VPS13B: variants seen among roughly 807,000 people sequenced by gnomAD.
VPS13B encodes the protein intermembrane lipid transfer protein VPS13B.
In VPS13B, 285 loss-of-function variants were observed where a neutral mutation model predicts 426.4. The ratio of observed to expected loss-of-function variants is 0.67; its 90% CI spans 0.61 to 0.74. The LOEUF is 0.74. Among genes scored for constraint, VPS13B ranks in the 30% least tolerant of loss-of-function variants. The pLI, the probability that VPS13B is intolerant of heterozygous loss-of-function variation, is 0.00. For synonymous variants in VPS13B, 1,676 were observed against 1,676.4 expected (o/e 1.00, Z 0.01); for missense variants, 4,537 against 4,782.6 (o/e 0.95, Z 1.51).
Position 99,326,452 on chromosome 8 carries a change from C to CTTTTTTTTTTTTTTTTTTTTT in VPS13B, c.2824+51208_2824+51228dup, listed in dbSNP as rs747097247. Among the ~76,000 whole-genome samples the CTTTTTTTTTTTTTTTTTTTTT allele has an allele frequency of 2.1e-3, 69 of 32,524 alleles. 24 individuals are homozygous for CTTTTTTTTTTTTTTTTTTTTT. The highest frequency in any genetic ancestry group is 3.2e-3 in the East Asian group (3 of 948). 21.3% of individuals were successfully genotyped at this position (32,524 alleles called of 152,430 possible). A position where few individuals can be genotyped will look rare whatever the true frequency, so the allele number is the denominator to read the frequency against. The stretch of plus-strand genomic sequence containing the variant: ...ATTTCTATCTATCATCTCTAGGTAG[C>CTTTTTTTTTTTTTTTTTTTTT]TTTTTTTTTTTTTTTTTTTTTTTTT... On this transcript the variant is annotated intron_variant, in intron 19 of 61. Coordinates refer to ENST00000357162, the MANE Select transcript of VPS13B (RefSeq NM_152564.5).
Position 99,642,208 on chromosome 8 carries a change from A to T in VPS13B, c.5618A>T (p.Glu1873Val), listed in dbSNP as rs1472875986. The change falls in exon 34 of 62, where the codon GAA becomes GTA. Residue 1873 changes from glutamate (E) to valine (V), a missense_variant. Physicochemically the swap from Glu to Val is moderately radical, Grantham distance 121. Around this residue, in one of 2 missense-constraint regions of VPS13B, gnomAD observed 4,311 missense variants for 4,474.3 expected, o/e 0.96. Transcript: ENST00000357162. ...GCATGTATTTCCACGGTGACAGCAG[A>T]AGATCTCTTAAGGAGCAGCATTTCT... ...NQACISTVTAEDLLRSSISFP... is the reference protein window; with the variant it reads ...NQACISTVTAVDLLRSSISFP... The T allele has an allele frequency of 1.2e-6, 2 of 1,614,146 alleles. No homozygotes were observed. Among genetic ancestry groups the T allele is most frequent in the South Asian group, 2.2e-5 (2 of 91,078 alleles).
chr8:99,778,508 T>C (rs904494399), intron 41 of VPS13B, among the ~76,000 whole-genome samples, 174 bp from the exon 42 acceptor site: 2 of 152,218 alleles, frequency 1.3e-5, no homozygotes, highest in African/African-American at 4.8e-5. Flanking sequence ...TTTTCAAATA[T>C]CAAATGGGAA....
intron 25 of VPS13B, among the ~76,000 whole-genome samples, chr8:99,486,354 T>G (rs1454667840): frequency 2.0e-5 from 3 of 151,872 alleles, no homozygotes; most frequent in African/African-American, 7.3e-5. Context: ...GCCTCCTGAG[T>G]AGCTGGGATT....
At chr8:99,336,024 C>A (rs1810841764) in intron 19 of VPS13B, among the ~76,000 whole-genome samples, 1 of 152,130 alleles carries the variant, frequency 6.6e-6, no homozygotes, top group African/African-American at 2.4e-5. Flanking sequence ...CTTTAAAGTT[C>A]ATATGGCACC....
chr8:99,478,037 TCAGGAGTTTGAGACCACTTGAGCAA>T (rs966758614), intron 24 of VPS13B, among the ~76,000 whole-genome samples: 1 of 151,374 alleles, frequency 6.6e-6, no homozygotes, highest in African/African-American at 2.4e-5. Context: ...TCACTTGAGC[TCAGGAGTTTGAGACCACTTGAGCAA>T]CATAACAACA....
chr8:99,248,066 T>G (rs1469676283), intron 17 of VPS13B, among the ~76,000 whole-genome samples: 1 of 152,208 alleles, frequency 6.6e-6, no homozygotes, highest in African/African-American at 2.4e-5. Context: ...AAACTGCTGG[T>G]GAAATGATTG....
intron 33 of VPS13B, among the ~76,000 whole-genome samples, chr8:99,579,470 C>T (rs10755898): frequency 0.93 from 142,095 of 152,092 alleles, 66,511 homozygotes; most frequent in African/African-American, 0.98. Context: ...CGATCTCAGC[C>T]CACTGTAACT....
intron 16 of VPS13B, among the ~76,000 whole-genome samples, chr8:99,177,738 G>A (rs1812713307): frequency 1.3e-5 from 2 of 152,106 alleles, no homozygotes; most frequent in Admixed American, 1.3e-4. Context: ...TTGTTTAGTG[G>A]TGTCCAAATG....
intron 3 of VPS13B, among the ~76,000 whole-genome samples, chr8:99,078,372 T>C (rs1384432853): frequency 6.6e-6 from 1 of 151,976 alleles, no homozygotes; most frequent in Non-Finnish European, 1.5e-5. Flanking sequence ...GTGCTTTGTC[T>C]TTGATTCTTG....
At chr8:99,708,970 GT>G (rs1168706269) in intron 36 of VPS13B, among the ~76,000 whole-genome samples, 2 of 151,812 alleles carry the variant, frequency 1.3e-5, no homozygotes, top group East Asian at 1.9e-4. Context: ...GGACGAACAT[GT>G]TTTTTTCATG....
intron 5 of VPS13B, among the ~76,000 whole-genome samples, chr8:99,103,504 T>TC (rs1214090907): frequency 6.9e-6 from 1 of 144,196 alleles, no homozygotes; most frequent in African/African-American, 2.6e-5. Flanking sequence ...TTTTTTTTTT[T>TC]TTTTTTTTTT....
At chr8:99,219,671 G>A (rs998664560) in intron 17 of VPS13B, among the ~76,000 whole-genome samples, 3 of 152,174 alleles carry the variant, frequency 2.0e-5, no homozygotes, top group Admixed American at 6.5e-5. Context: ...GGGCTAGTCC[G>A]CTTCTGTGAT....
chr8:99,614,777 T>C (rs1828008335), intron 33 of VPS13B, among the ~76,000 whole-genome samples: 2 of 152,086 alleles, frequency 1.3e-5, no homozygotes, highest in African/African-American at 4.8e-5. Context: ...CCTGAAGCAA[T>C]AATCTAGAGA....
At chr8:99,132,544 A>T (rs1809860645) in intron 8 of VPS13B, among the ~76,000 whole-genome samples, 1 of 152,186 alleles carries the variant, frequency 6.6e-6, no homozygotes, top group Non-Finnish European at 1.5e-5. Context: ...TCTTAATGGA[A>T]TCTGGAATAG....
chr8:99,853,130 T>G (rs550247206), intron 55 of VPS13B, among the ~76,000 whole-genome samples: 1 of 152,220 alleles, frequency 6.6e-6, no homozygotes, highest in African/African-American at 2.4e-5. Flanking sequence ...TATCTCTTTC[T>G]GTCTTGTGAT....
chr8:99,382,123 A>G (rs1813849065), intron 19 of VPS13B, among the ~76,000 whole-genome samples: 1 of 151,934 alleles, frequency 6.6e-6, no homozygotes, highest in Non-Finnish European at 1.5e-5. Context: ...TTTGTTGAAG[A>G]TAAGATAGTT....
chr8:99,297,535 G>GA (rs1554716909), intron 19 of VPS13B, among the ~76,000 whole-genome samples: 3 of 151,694 alleles, frequency 2.0e-5, no homozygotes, highest in African/African-American at 7.3e-5. Flanking sequence ...AAAATCATGT[G>GA]CTAATTCTTT....
intron 47 of VPS13B, 114 bp from the exon 48 acceptor site, chr8:99,819,298 A>C: frequency 7.9e-7 from 1 of 1,259,004 alleles, no homozygotes; most frequent in Non-Finnish European, 1.1e-6. Flanking sequence ...AATGGACTCT[A>C]TCTACCAAAA....
chr8:99,360,028 C>G (rs894665555), intron 19 of VPS13B, among the ~76,000 whole-genome samples: 1 of 151,630 alleles, frequency 6.6e-6, no homozygotes, highest in African/African-American at 2.4e-5. Context: ...GTCTCAAACT[C>G]CCAACCTCAA....
Sources: allele counts gnomAD v4.1 joint callset (sites outside exome capture counted in the v4.1 genomes callset), GRCh38; gene constraint gnomAD v4.1.1; regional missense constraint gnomAD v4.1.1; transcripts MANE v1.5; gene names NCBI Gene and HGNC (gene_info 2026-07-23, HGNC 2026-07-21).